The following CORO2A variants were observed in gnomAD, a reference collection of about 807,000 sequenced individuals.
CORO2A encodes coronin 2A, also known as coronin-2A.
In CORO2A, 47 loss-of-function variants were observed where a neutral mutation model predicts 62.4. The observed-to-expected ratio is 0.75, with a 90% CI of 0.60 to 0.96. The LOEUF (loss-of-function observed/expected upper bound fraction) is 0.96. Among genes scored for constraint, CORO2A ranks in the 40% least tolerant of loss-of-function variants. The pLI is 0.00. For synonymous variants in CORO2A, 273 were observed against 268.9 expected, an observed-to-expected ratio of 1.02 and a Z score of -0.15; for missense variants, 610 against 684.1, an observed-to-expected ratio of 0.89 and a Z score of 1.21.
intron 3 of CORO2A, among the ~76,000 whole-genome samples, chr9:98,136,899 G>T (rs527828115): frequency 6.6e-6 from 1 of 152,076 alleles, no homozygotes; most frequent in East Asian, 1.9e-4. Context: ...TGTTGCCTAG[G>T]TTGGTCTCCA....
chr9:98,149,954 G>C (rs1262318835), intron 2 of CORO2A, among the ~76,000 whole-genome samples: 1 of 150,076 alleles, frequency 6.7e-6, no homozygotes, highest in African/African-American at 2.5e-5. Flanking sequence ...TTTTGAGAGA[G>C]TCTCGCACTG....
intron 2 of CORO2A, among the ~76,000 whole-genome samples, chr9:98,155,227 G>A (rs143214324): frequency 6.6e-6 from 1 of 151,658 alleles, no homozygotes; most frequent in African/African-American, 2.4e-5. Flanking sequence ...TGGATTTTTC[G>A]GTACATTTTA....
At chr9:98,141,601 G>T (rs750057758) in intron 2 of CORO2A, among the ~76,000 whole-genome samples, 28 of 152,072 alleles carry the variant, frequency 1.8e-4, no homozygotes, top group South Asian at 6.2e-4. Context: ...TGATCTGCCC[G>T]CCTTGGCCTT....
intron 2 of CORO2A, among the ~76,000 whole-genome samples, chr9:98,153,575 T>C (rs1251394338): frequency 6.6e-6 from 1 of 151,582 alleles, no homozygotes; most frequent in Non-Finnish European, 1.5e-5. Context: ...CCCAGCTAAC[T>C]AAAAAGCAAT....
At chr9:98,128,512 C>T (rs771645535) in intron 9 of CORO2A, 95 bp downstream of exon 9, 94 of 1,119,468 alleles carry the variant, frequency 8.4e-5, no homozygotes, top group Non-Finnish European at 8.9e-5. Flanking sequence ...GCCCCATGAA[C>T]GTGGGCTCCA....
In CORO2A at chr9:98,137,575, G is replaced by A. The variant is rs974088146; in HGVS notation, c.315C>T (p.Ala105=). Residue 105 remains alanine (A), a synonymous_variant, in exon 3 of 12, where the codon GCC becomes GCT. Coordinates refer to ENST00000375077, the MANE Select transcript of CORO2A (RefSeq NM_052820.4). The part of the protein sequence containing the change: ...DFEIASCSED[A]TIKIWSIPKQ... ...CCCCTCAGGGGCTGACACTCACTGT[G>A]GCATCTTCAGAACAGGAGGCGATCT... is the stretch of plus-strand genomic sequence containing the variant. 2 of 1,613,084 alleles carry A rather than the reference G, an allele frequency of 1.2e-6. No homozygotes were observed. The highest frequency in any genetic ancestry group is 1.7e-6 in the Non-Finnish European group (2 of 1,179,158).
chr9:98,133,152 A>G lies in CORO2A; in HGVS notation c.534T>C (p.Cys178=). 2 of 1,614,216 alleles carry G rather than the reference A, an allele frequency of 1.2e-6. No homozygotes were observed. The highest frequency in any genetic ancestry group is 2.2e-5 in the East Asian group (1 of 44,884). The change falls in exon 5 of 12, where the codon TGT becomes TGC. Residue 178 remains cysteine (C), a synonymous_variant. Transcript: ENST00000375077. Reference sequence around the variant, plus strand: ...ACATGGAGAGGATCACATCTTGGTGACAGCTAATCGTACTCATGGGGCTTG... The same window carrying G: ...ACATGGAGAGGATCACATCTTGGTGGCAGCTAATCGTACTCATGGGGCTTG... ...VITSPMSTIS[C]HQDVILSMSF... is the part of the protein sequence containing the mutation.
At chr9:98,135,436 G>C (rs1827472721) in intron 3 of CORO2A, among the ~76,000 whole-genome samples, 1 of 152,200 alleles carries the variant, frequency 6.6e-6, no homozygotes, top group East Asian at 1.9e-4. Context: ...CAAACTTCTT[G>C]CTTTGGAGGT....
Position 98,178,182 on chromosome 9 carries a change from G to A in CORO2A, c.-1+14377C>T, listed in dbSNP as rs147409361. 8.4e-3 allele frequency among the ~76,000 whole-genome samples: 1,286 copies of A among 152,216 alleles called. 8 individuals are homozygous for A. Among genetic ancestry groups the A allele is most frequent in the Admixed American group, 0.014 (217 of 15,290 alleles). On this transcript the variant is annotated intron_variant, in intron 1 of 11. Transcript: ENST00000375077. ...CTGCCTCAGCCTCCTGAGTAGCTGG[G>A]ACCACAGGCATGAGCCACCATGCCC... is the stretch of plus-strand genomic sequence containing the variant.
intron 1 of CORO2A, among the ~76,000 whole-genome samples, chr9:98,167,435 C>T (rs1827977003): frequency 1.3e-5 from 2 of 152,146 alleles, no homozygotes; most frequent in African/African-American, 4.8e-5. Flanking sequence ...GAACTGTACA[C>T]TTAAGAATGA....
chr9:98,164,346 A>T (rs1336042542), intron 1 of CORO2A, among the ~76,000 whole-genome samples: 1 of 152,228 alleles, frequency 6.6e-6, no homozygotes, highest in Non-Finnish European at 1.5e-5. Flanking sequence ...TATCCATCAC[A>T]GTTTATCTTG....
intron 9 of CORO2A, 148 bp downstream of exon 9, chr9:98,128,459 C>A: frequency 1.3e-6 from 1 of 773,484 alleles, no homozygotes; most frequent in South Asian, 1.6e-5. Context: ...CTCCTGACGC[C>A]CACTGATGTC....
chr9:98,184,861 T>C (rs933103308), intron 1 of CORO2A, among the ~76,000 whole-genome samples: 4 of 152,150 alleles, frequency 2.6e-5, no homozygotes, highest in African/African-American at 9.7e-5. Flanking sequence ...GCCTGATATT[T>C]CCCTAACCCC....
chr9:98,161,795 A>G (rs191177044), intron 1 of CORO2A, among the ~76,000 whole-genome samples: 1 of 152,086 alleles, frequency 6.6e-6, no homozygotes, highest in African/African-American at 2.4e-5. Flanking sequence ...GGCCTGGGGT[A>G]GTCGCTGAAA....
intron 1 of CORO2A, among the ~76,000 whole-genome samples, chr9:98,174,775 C>CCCAG (rs1411288458): frequency 3.3e-5 from 5 of 152,122 alleles, no homozygotes; most frequent in Non-Finnish European, 7.4e-5. Flanking sequence ...CCTGAGGCTC[C>CCCAG]CCAGCCATGT....
At position 98,129,887 on chromosome 9, in the gene CORO2A, C is replaced by G; in HGVS notation, c.874G>C (p.Asp292His). ...ACCTCGTAGTAGCGGATGTTGCCAT[C>G]TCCCTGAGGAGGAGGAGAAGGAAGA... ...TSMLYVVGKG[D>H]GNIRYYEVSA... Residue 292 changes from aspartate (D) to histidine (H), a missense_variant, in exon 8 of 12, where the codon GAT becomes CAT. By Grantham distance (81) the Asp-to-His change is moderately conservative (BLOSUM62 -1). Coordinates refer to ENST00000375077, the MANE Select transcript of CORO2A (RefSeq NM_052820.4). The G allele has an allele frequency of 6.2e-7, 1 of 1,613,160 alleles. No homozygotes were observed.
At chr9:98,149,588 G>A (rs574050295) in intron 2 of CORO2A, among the ~76,000 whole-genome samples, 20 of 152,334 alleles carry the variant, frequency 1.3e-4, no homozygotes, top group African/African-American at 4.6e-4. Context: ...CAGGTGTGCC[G>A]CAGGCCACGG....
In CORO2A at chr9:98,133,120, T is replaced by C. The variant is rs746870800; in HGVS notation, c.566A>G (p.Asn189Ser). 2 of 1,614,202 alleles carry C rather than the reference T, an allele frequency of 1.2e-6. No homozygotes were observed. ...HQDVILSMSF[N>S]TNGSLLATTC... ...GGTGGCCAACAGGCTGCCGTTGGTGTTGAAGGACATGGAGAGGATCACATC... is the reference window on the plus strand; with the variant it reads ...GGTGGCCAACAGGCTGCCGTTGGTGCTGAAGGACATGGAGAGGATCACATC... Residue 189 changes from asparagine (N) to serine (S), a missense_variant, in exon 5 of 12, where the codon AAC becomes AGC. Asn to Ser is a conservative substitution (Grantham distance 46). Coordinates refer to ENST00000375077, the MANE Select transcript of CORO2A (RefSeq NM_052820.4).
intron 1 of CORO2A, among the ~76,000 whole-genome samples, chr9:98,173,820 A>G (rs1828071370): frequency 6.6e-6 from 1 of 152,182 alleles, no homozygotes; most frequent in South Asian, 2.1e-4. Context: ...GGAGCTTAAG[A>G]GCGTGTAGCC....
Sources: gnomAD v4.1 joint callset for allele counts (sites outside exome capture counted in the v4.1 genomes callset) on GRCh38, gnomAD v4.1.1 for gene constraint, MANE v1.5 for transcripts, NCBI Gene and HGNC (gene_info 2026-07-23, HGNC 2026-07-21) for gene names.